Variants in BICD2 observed in about 807,000 individuals in gnomAD.
BICD2 encodes the protein protein bicaudal D homolog 2.
Under a neutral mutation model 72.9 loss-of-function variants are expected in BICD2, and 25 were observed. The ratio of observed to expected loss-of-function variants is 0.34; its 90% CI spans 0.25 to 0.48. BICD2 has a LOEUF of 0.48. BICD2 is among the 20% of genes least tolerant of loss of function. The pLI, the probability that BICD2 is intolerant of heterozygous loss-of-function variation, is 0.99. For missense variants in BICD2, 894 were observed against 1,175.2 expected, an observed-to-expected ratio of 0.76 and a Z score of 3.50; for synonymous variants, 501 against 516.1, an observed-to-expected ratio of 0.97 and a Z score of 0.40.
chr9:92,750,660 G>T (rs2131530057), intron 1 of BICD2, among the ~76,000 whole-genome samples: 1 of 152,064 alleles, frequency 6.6e-6, no homozygotes, highest in East Asian at 1.9e-4. Context: ...GTGAAGCATA[G>T]GGTTTTTTTT....
intron 1 of BICD2, among the ~76,000 whole-genome samples, chr9:92,759,672 T>C (rs1434108389): frequency 6.6e-6 from 1 of 152,162 alleles, no homozygotes; most frequent in Non-Finnish European, 1.5e-5. Context: ...CAACACAGGG[T>C]CTAAGGCCAA....
chr9:92,738,893 C>T (rs1195271293), intron 1 of BICD2, among the ~76,000 whole-genome samples: 1 of 152,214 alleles, frequency 6.6e-6, no homozygotes, highest in Admixed American at 6.5e-5. Flanking sequence ...AACTGGGAGC[C>T]TCAATTCCTT....
rs1853498344 is a variant in BICD2, at chr9:92,723,133, C to T, written c.454-325G>A. 4.6e-5 allele frequency among the ~76,000 whole-genome samples: 7 copies of T among 152,160 alleles called. No individual in the cohort carries two copies. In the South Asian group the frequency reaches 1.5e-3, roughly 32 times the overall value. ...TGCCTTCTATTATTGGGCATGTACA[C>T]AGTAGTGCGCAGGTGGGCATATAAA... is the stretch of plus-strand genomic sequence containing the variant. On this transcript the variant is annotated intron_variant, in intron 2 of 6. Transcript: ENST00000356884.
At chr9:92,721,528 T>C (rs988899044) in intron 3 of BICD2, among the ~76,000 whole-genome samples, 1 of 152,200 alleles carries the variant, frequency 6.6e-6, no homozygotes, top group Non-Finnish European at 1.5e-5. Context: ...TTCTGTAATA[T>C]TTGGAGAAAA....
intron 2 of BICD2, among the ~76,000 whole-genome samples, chr9:92,726,994 C>A (rs539510712): frequency 6.6e-6 from 1 of 152,168 alleles, no homozygotes; most frequent in Non-Finnish European, 1.5e-5. Context: ...CAGGAATAGA[C>A]GGGCCAGACA....
intron 1 of BICD2, among the ~76,000 whole-genome samples, chr9:92,763,945 T>G (rs563333667): frequency 4.3e-4 from 65 of 152,312 alleles, no homozygotes; most frequent in African/African-American, 1.4e-3. Context: ...CCTACTCACT[T>G]AGGCCGCTGT....
At position 92,715,506 on chromosome 9, in the gene BICD2, G is replaced by C. The variant is rs758679986; in HGVS notation, c.2259-43C>G. 1.9e-6 allele frequency: 3 copies of C among 1,541,196 alleles called. No individual in the cohort carries two copies. The South Asian group carries it at 3.7e-5, about 19-fold the overall frequency. ...ATGACTGAGGGGCGGGCAGAGCCGAGCAGAGGAGGGCAGGGCAGGGCAGGG... is the reference window on the plus strand; with the variant it reads ...ATGACTGAGGGGCGGGCAGAGCCGACCAGAGGAGGGCAGGGCAGGGCAGGG... On this transcript the variant is annotated intron_variant, in intron 6 of 6. Coordinates refer to ENST00000356884, the MANE Select transcript of BICD2 (RefSeq NM_001003800.2).
intron 1 of BICD2, among the ~76,000 whole-genome samples, chr9:92,753,040 C>T (rs753613448): frequency 8.5e-5 from 13 of 152,188 alleles, no homozygotes; most frequent in Non-Finnish European, 1.8e-4. Flanking sequence ...ACAATACACA[C>T]TCTTGATATG....
rs79817151 is a variant in BICD2, at chr9:92,736,802, A to T, written c.241-7566T>A. On this transcript the variant is annotated intron_variant, in intron 1 of 6. Coordinates refer to ENST00000356884, the MANE Select transcript of BICD2 (RefSeq NM_001003800.2). ...TAGCAGCTCCATGACCGGAGCCCTG[A>T]ACATGTTCCCCCTTTACACACACAC... is the stretch of plus-strand genomic sequence containing the variant. Among the ~76,000 whole-genome samples the T allele has an allele frequency of 9.2e-5, 14 of 152,278 alleles. No individual in the cohort carries two copies. In the East Asian group the frequency reaches 2.7e-3, roughly 29 times the overall value.
intron 1 of BICD2, among the ~76,000 whole-genome samples, chr9:92,732,168 A>G (rs1300984184): frequency 3.9e-5 from 6 of 152,232 alleles, no homozygotes; most frequent in African/African-American, 1.4e-4. Context: ...CTAGAGACGA[A>G]AAGTACAGTG....
chr9:92,739,209 T>C (rs1019816275), intron 1 of BICD2, among the ~76,000 whole-genome samples: 1 of 152,182 alleles, frequency 6.6e-6, no homozygotes, highest in Non-Finnish European at 1.5e-5. Context: ...CCAGGCTTGT[T>C]GAAAAATCCC....
chr9:92,750,917 T>C (rs72758521), intron 1 of BICD2, among the ~76,000 whole-genome samples: 4,957 of 152,222 alleles, frequency 0.033, 110 homozygotes, highest in South Asian at 0.1. Flanking sequence ...TTTTTCTTTT[T>C]ATTTGTTTTT....
chr9:92,721,037 A>C (rs1853454319), intron 3 of BICD2, among the ~76,000 whole-genome samples: 1 of 152,222 alleles, frequency 6.6e-6, no homozygotes, highest in Non-Finnish European at 1.5e-5. Flanking sequence ...AGACACAGCA[A>C]GGGGAGCACA....
At chr9:92,729,628 C>A (rs1362563945) in intron 1 of BICD2, among the ~76,000 whole-genome samples, 1 of 152,234 alleles carries the variant, frequency 6.6e-6, no homozygotes, top group Non-Finnish European at 1.5e-5. Flanking sequence ...CCGGCCACCA[C>A]ATATGAAAGG....
At chr9:92,718,010 G>A in intron 5 of BICD2, 62 bp from the exon 6 acceptor site, 1 of 1,556,892 alleles carries the variant, frequency 6.4e-7, no homozygotes, top group South Asian at 1.2e-5. Flanking sequence ...GAGGTGCTCT[G>A]GGAGCAGGAT....
chr9:92,759,342 C>G (rs1854325387), intron 1 of BICD2, among the ~76,000 whole-genome samples: 1 of 152,264 alleles, frequency 6.6e-6, no homozygotes. Context: ...GCCATCTACA[C>G]AGGTCCTATT....
chr9:92,714,262 AG>A lies in BICD2; in HGVS notation c.*891del. 1.0e-6 allele frequency: 1 copy of A among 985,514 alleles called. No individual in the cohort carries two copies. The highest frequency in any genetic ancestry group is 1.7e-5 in the African/African-American group (1 of 57,368). The allele number at this position is 985,514 out of a possible 1,614,324, so 61.0% of individuals were successfully genotyped here. A position where few individuals can be genotyped will look rare whatever the true frequency, so the allele number is the denominator to read the frequency against. On this transcript the variant is annotated 3_prime_UTR_variant, in exon 7 of 7. Coordinates refer to ENST00000356884, the MANE Select transcript of BICD2 (RefSeq NM_001003800.2). ...TCAGACTTCAGGCTAGGGTTTTCAA[AG>A]CCCCATGTCTTTGGGACTGAACCCC...
At chr9:92,745,538 G>A (rs1219836949) in intron 1 of BICD2, among the ~76,000 whole-genome samples, 1 of 152,086 alleles carries the variant, frequency 6.6e-6, no homozygotes, top group Admixed American at 6.5e-5. Context: ...TTGGGCTGCC[G>A]TCAGCACCCC....
intron 6 of BICD2, among the ~76,000 whole-genome samples, chr9:92,717,485 T>C (rs1250341920): frequency 6.6e-6 from 1 of 152,270 alleles, no homozygotes; most frequent in Admixed American, 6.5e-5. Flanking sequence ...GCATGCCCTA[T>C]GCTCCAGCAA....
Sources: allele counts gnomAD v4.1 joint callset (sites outside exome capture counted in the v4.1 genomes callset), GRCh38; gene constraint gnomAD v4.1.1; transcripts MANE v1.5; gene names NCBI Gene and HGNC (gene_info 2026-07-23, HGNC 2026-07-21).